The following EVA1C variants were observed in gnomAD, a reference collection of about 807,000 sequenced individuals.
EVA1C encodes the protein protein eva-1 homolog C.
A neutral mutation model predicts 45.4 loss-of-function variants in EVA1C; 25 were observed. The ratio of observed to expected loss-of-function variants is 0.55; its 90% confidence interval spans 0.40 to 0.77. The LOEUF (loss-of-function observed/expected upper bound fraction) is 0.77. Among genes scored for constraint, EVA1C ranks in the 30% least tolerant of loss-of-function variants. EVA1C has a pLI of 0.00. For synonymous variants in EVA1C, 190 were observed against 221.2 expected (o/e 0.86, Z 1.25); for missense variants, 479 against 554.8 (o/e 0.86, Z 1.37).
At chr21:32,508,460 G>A (rs1471118251) in intron 7 of EVA1C, among the ~76,000 whole-genome samples, 1 of 152,190 alleles carries the variant, frequency 6.6e-6, no homozygotes, top group Non-Finnish European at 1.5e-5. Flanking sequence ...CCACAGATAA[G>A]CTTATACTGA....
Position 32,454,310 on chromosome 21 carries a change from A to G in EVA1C, c.357+802A>G, listed in dbSNP as rs545256859. 2.6e-5 allele frequency among the ~76,000 whole-genome samples: 4 copies of G among 152,294 alleles called. No homozygotes were observed. In the East Asian group the frequency reaches 7.7e-4, roughly 29 times the overall value. ...GTGCTTTTTAATGATTTGCTTCTTC[A>G]GTTGTAGATAATCATGTCATTCTTG... On this transcript the variant is annotated intron_variant, in intron 2 of 7. Transcript: ENST00000300255.
chr21:32,510,969 A>G (rs191370380), intron 7 of EVA1C, among the ~76,000 whole-genome samples: 154 of 152,294 alleles, frequency 1.0e-3, no homozygotes, highest in African/African-American at 3.5e-3. Flanking sequence ...GAGCCCAGGA[A>G]TTCAAGGCTG....
intron 4 of EVA1C, among the ~76,000 whole-genome samples, chr21:32,494,314 A>G (rs2037269102): frequency 6.6e-6 from 1 of 152,256 alleles, no homozygotes; most frequent in African/African-American, 2.4e-5. Context: ...CAAAACAGAA[A>G]TAGTCTCTCC....
chr21:32,412,920 C>T lies in EVA1C; in HGVS notation c.67C>T (p.Arg23Trp), dbSNP rs146014823. 26 of 1,526,062 alleles carry T rather than the reference C, an allele frequency of 1.7e-5. No homozygotes were observed. Among genetic ancestry groups the T allele is most frequent in the Non-Finnish European group, 1.8e-5 (21 of 1,138,882 alleles). The allele number at this position is 1,526,062 out of a possible 1,614,324, so 94.5% of individuals were successfully genotyped here. A position where few individuals can be genotyped will look rare whatever the true frequency, so the allele number is the denominator to read the frequency against. Reference sequence around the variant, plus strand: ...GCCCGTGCAGCATCCCGGCCTCCGCCGGCAGGTAGAGCCGCCGGGGCAGCT... The same window carrying T: ...GCCCGTGCAGCATCCCGGCCTCCGCTGGCAGGTAGAGCCGCCGGGGCAGCT... ...PQPVQHPGLRRQVEPPGQLLR... is the reference protein window; with the variant it reads ...PQPVQHPGLRWQVEPPGQLLR... The change falls in exon 1 of 8, where the codon CGG (arginine) becomes TGG (tryptophan). Residue 23 changes from arginine (R) to tryptophan (W), a missense_variant. By Grantham distance (101) the Arg-to-Trp change is moderately radical. This residue lies in a region of EVA1C where 80 missense variants were observed against 63.8 expected (regional missense o/e 1.25). Coordinates refer to ENST00000300255, the MANE Select transcript of EVA1C (RefSeq NM_058187.5).
chr21:32,418,081 A>G (rs1173787803), intron 1 of EVA1C, among the ~76,000 whole-genome samples: 1 of 152,154 alleles, frequency 6.6e-6, no homozygotes, highest in Non-Finnish European at 1.5e-5. Context: ...GTATTTCCCC[A>G]GCATATCAGC....
chr21:32,476,597 C>T (rs550964621), intron 4 of EVA1C, among the ~76,000 whole-genome samples: 12 of 152,124 alleles, frequency 7.9e-5, no homozygotes, highest in Middle Eastern at 3.4e-3. Context: ...GCCGAGATCG[C>T]GCCATTGCAC....
intron 5 of EVA1C, among the ~76,000 whole-genome samples, chr21:32,499,407 C>G (rs2037456750): frequency 6.6e-6 from 1 of 152,220 alleles, no homozygotes; most frequent in African/African-American, 2.4e-5. Flanking sequence ...AGGGACATTC[C>G]TCAAGGCCCT....
chr21:32,433,379 C>G (rs1309430105), intron 1 of EVA1C: 1 of 152,412 alleles, frequency 6.6e-6, no homozygotes, highest in Admixed American at 6.5e-5. Flanking sequence ...GTTCCCTGAA[C>G]AAAAGTGAGG....
At chr21:32,476,918 T>C (rs1432983273) in intron 4 of EVA1C, among the ~76,000 whole-genome samples, 1 of 152,152 alleles carries the variant, frequency 6.6e-6, no homozygotes, top group Non-Finnish European at 1.5e-5. Flanking sequence ...GTTCTGTATA[T>C]GAAGCCCTAA....
At chr21:32,512,411 CCCTA>C (rs1436153077) in intron 7 of EVA1C, among the ~76,000 whole-genome samples, 2 of 152,146 alleles carry the variant, frequency 1.3e-5, no homozygotes, top group Admixed American at 1.3e-4. Flanking sequence ...GGCTGTGGCA[CCCTA>C]CTCCCTTCTT....
At chr21:32,488,501 G>T (rs545080088) in intron 4 of EVA1C, among the ~76,000 whole-genome samples, 33 of 152,024 alleles carry the variant, frequency 2.2e-4, no homozygotes, top group African/African-American at 7.7e-4. Flanking sequence ...CACCCTAACA[G>T]GTGTGAGATG....
At chr21:32,462,708 G>A (rs2036044538) in intron 3 of EVA1C, among the ~76,000 whole-genome samples, 1 of 152,242 alleles carries the variant, frequency 6.6e-6, no homozygotes, top group Admixed American at 6.5e-5. Context: ...ACCCAGAGTG[G>A]AAAACCACTT....
At chr21:32,481,789 C>G (rs73192509) in intron 4 of EVA1C, among the ~76,000 whole-genome samples, 28,723 of 152,056 alleles carry the variant, frequency 0.19, 2,847 homozygotes, top group East Asian at 0.27. Context: ...GAGAATAAAA[C>G]ACCTTTTTTC....
chr21:32,495,196 C>T (rs755252652), intron 5 of EVA1C, 26 bp downstream of exon 5: 2 of 1,609,556 alleles, frequency 1.2e-6, no homozygotes, highest in African/African-American at 2.7e-5. Flanking sequence ...CGACCAGCTG[C>T]CTGATGACAC....
At chr21:32,465,298 C>T (rs73353042) in intron 3 of EVA1C, among the ~76,000 whole-genome samples, 18 of 152,290 alleles carry the variant, frequency 1.2e-4, no homozygotes, top group African/African-American at 4.1e-4. Flanking sequence ...AGTGGAAGAA[C>T]ATGAGCACGT....
At chr21:32,436,331 G>C (rs1400924165) in intron 1 of EVA1C, among the ~76,000 whole-genome samples, 1 of 152,074 alleles carries the variant, frequency 6.6e-6, no homozygotes, top group African/African-American at 2.4e-5. Context: ...CAAAATGCTG[G>C]GATTACAGAC....
chr21:32,420,510 C>T (rs533917684), intron 1 of EVA1C, among the ~76,000 whole-genome samples: 13 of 152,344 alleles, frequency 8.5e-5, no homozygotes, highest in Non-Finnish European at 1.6e-4. Flanking sequence ...TCAGCACTCC[C>T]TAGTAGTTGG....
At chr21:32,419,918 C>T (rs960409897) in intron 1 of EVA1C, among the ~76,000 whole-genome samples, 1 of 152,034 alleles carries the variant, frequency 6.6e-6, no homozygotes, top group South Asian at 2.1e-4. Flanking sequence ...TAACATAAAT[C>T]CTAAATCCTA....
intron 4 of EVA1C, among the ~76,000 whole-genome samples, chr21:32,486,887 T>C (rs1291844000): frequency 2.0e-5 from 3 of 152,242 alleles, no homozygotes. Flanking sequence ...GTTACACATA[T>C]ACTTTTAAAT....
Sources: gnomAD v4.1 joint callset for allele counts (sites outside exome capture counted in the v4.1 genomes callset) on GRCh38, gnomAD v4.1.1 for gene constraint, gnomAD v4.1.1 regional missense constraint, MANE v1.5 for transcripts, NCBI Gene and HGNC (gene_info 2026-07-23, HGNC 2026-07-21) for gene names.